The following GPC6 variants were observed in gnomAD, a reference collection of about 807,000 sequenced individuals.
GPC6 encodes glypican-6.
Under a neutral mutation model 55.2 loss-of-function variants are expected in GPC6, and 14 were observed. The observed-to-expected ratio is 0.25, with a 90% confidence interval of 0.17 to 0.40. The LOEUF (loss-of-function observed/expected upper bound fraction) is 0.40, where lower values mean the gene tolerates loss of function less well. GPC6 is among the 10% of genes least tolerant of loss of function. GPC6 has a pLI of 1.00. For synonymous variants in GPC6, 278 were observed against 259.6 expected (o/e 1.07, Z -0.68); for missense variants, 641 against 708.5 (o/e 0.90, Z 1.08).
chr13:93,690,911 G>T (rs1882234923), intron 2 of GPC6, among the ~76,000 whole-genome samples: 1 of 151,692 alleles, frequency 6.6e-6, no homozygotes, highest in African/African-American at 2.4e-5. Context: ...TTAATTAGTG[G>T]ATTTCTTCTT....
At chr13:93,640,808 CTTCCTTCTTTCCTTCCTTCCTTTG>C (rs1566463708) in intron 2 of GPC6, among the ~76,000 whole-genome samples, 2 of 78,226 alleles carry the variant, frequency 2.6e-5, no homozygotes, top group African/African-American at 3.9e-5. Context: ...TCCTTCCTTC[CTTCCTTCTTTCCTTCCTTCCTTTG>C]TTCCTTCCTT....
intron 6 of GPC6, among the ~76,000 whole-genome samples, chr13:94,368,169 A>G (rs557755561): frequency 6.8e-6 from 1 of 146,224 alleles, no homozygotes; most frequent in Non-Finnish European, 1.5e-5. Flanking sequence ...AAAAAAAAGT[A>G]CCACACCACC....
intron 6 of GPC6, among the ~76,000 whole-genome samples, chr13:94,366,816 G>A (rs1879308383): frequency 1.3e-5 from 2 of 152,138 alleles, no homozygotes; most frequent in Admixed American, 1.3e-4. Context: ...ACAGACCTTT[G>A]GTCAGCAGCG....
chr13:93,742,238 A>G (rs191471663), intron 2 of GPC6, among the ~76,000 whole-genome samples: 157 of 152,334 alleles, frequency 1.0e-3, no homozygotes, highest in African/African-American at 3.6e-3. Context: ...GATTCCATGT[A>G]AAGTGTGCCA....
chr13:93,300,097 A>G (rs1419603452), intron 1 of GPC6, among the ~76,000 whole-genome samples: 3 of 152,218 alleles, frequency 2.0e-5, no homozygotes, highest in Non-Finnish European at 4.4e-5. Flanking sequence ...AATACATGCC[A>G]AGGTCACCGT....
intron 1 of GPC6, among the ~76,000 whole-genome samples, chr13:93,519,635 A>AT (rs1439320542): frequency 1.3e-5 from 2 of 151,994 alleles, no homozygotes; most frequent in Non-Finnish European, 2.9e-5. Flanking sequence ...ATCACAGTCA[A>AT]TGTTTGAGTT....
chr13:93,889,418 T>C (rs1288028595), intron 3 of GPC6, among the ~76,000 whole-genome samples: 8 of 152,164 alleles, frequency 5.3e-5, no homozygotes, highest in Admixed American at 4.6e-4. Flanking sequence ...AACACGTTTA[T>C]AGTACTCAGC....
chr13:94,279,142 A>G (rs898968977), intron 4 of GPC6, among the ~76,000 whole-genome samples: 2 of 151,964 alleles, frequency 1.3e-5, no homozygotes, highest in African/African-American at 2.4e-5. Flanking sequence ...CAGGGATTCA[A>G]CTTCTTCCTG....
intron 1 of GPC6, among the ~76,000 whole-genome samples, chr13:93,539,739 T>A (rs983293320): frequency 6.6e-6 from 1 of 150,610 alleles, no homozygotes; most frequent in Non-Finnish European, 1.5e-5. Flanking sequence ...TTGTCCAGGC[T>A]AGAGTGCAAT....
chr13:93,231,213 C>G (rs1875990252), intron 1 of GPC6, among the ~76,000 whole-genome samples: 1 of 150,924 alleles, frequency 6.6e-6, no homozygotes, highest in Admixed American at 6.6e-5. Context: ...GGCACTCTGA[C>G]TCCAGGGTCT....
At chr13:94,205,996 C>G (rs2138982198) in intron 4 of GPC6, among the ~76,000 whole-genome samples, 1 of 152,166 alleles carries the variant, frequency 6.6e-6, no homozygotes, top group South Asian at 2.1e-4. Context: ...GCCAAACATG[C>G]TACAAAACCT....
At chr13:93,796,250 A>C (rs1310177230) in intron 2 of GPC6, among the ~76,000 whole-genome samples, 1 of 152,168 alleles carries the variant, frequency 6.6e-6, no homozygotes, top group African/African-American at 2.4e-5. Flanking sequence ...ATCTCATATT[A>C]GCAGTCTAGT....
chr13:93,357,218 G>A (rs74980762), intron 1 of GPC6, among the ~76,000 whole-genome samples: 1 of 152,086 alleles, frequency 6.6e-6, no homozygotes, highest in Non-Finnish European at 1.5e-5. Flanking sequence ...GTTGCTCTTA[G>A]GTGGTTTTTA....
intron 6 of GPC6, among the ~76,000 whole-genome samples, chr13:94,315,624 T>C (rs1876483056): frequency 6.6e-6 from 1 of 152,200 alleles, no homozygotes; most frequent in African/African-American, 2.4e-5. Flanking sequence ...AAAAAGGACA[T>C]GTTAGTGAAC....
upstream of GPC6, among the ~76,000 whole-genome samples, chr13:93,224,217 G>A (rs1363070115): frequency 6.0e-5 from 8 of 132,314 alleles, no homozygotes; most frequent in Admixed American, 2.5e-4. Flanking sequence ...TTTTTGAGAC[G>A]GAGTTTCTTT....
chr13:93,520,272 C>T (rs1033252230), intron 1 of GPC6, among the ~76,000 whole-genome samples: 1 of 151,918 alleles, frequency 6.6e-6, no homozygotes, highest in African/African-American at 2.4e-5. Context: ...CCAGATGGTC[C>T]ATCTTCCTTG....
At chr13:93,910,100 G>A (rs1876887300) in intron 3 of GPC6, among the ~76,000 whole-genome samples, 1 of 151,816 alleles carries the variant, frequency 6.6e-6, no homozygotes, top group Non-Finnish European at 1.5e-5. Flanking sequence ...TGTGTGATAT[G>A]GTTTGGCTGT....
intron 6 of GPC6, among the ~76,000 whole-genome samples, chr13:94,379,833 T>C (rs1204392521): frequency 6.6e-6 from 1 of 152,118 alleles, no homozygotes; most frequent in Admixed American, 6.6e-5. Flanking sequence ...ACAACCCTAT[T>C]TCTGCCAACA....
At chr13:93,344,620 G>T (rs529484860) in intron 1 of GPC6, among the ~76,000 whole-genome samples, 37 of 151,974 alleles carry the variant, frequency 2.4e-4, no homozygotes, top group African/African-American at 8.7e-4. Context: ...TTCTGTTCCC[G>T]TGTCCTATTT....
Sources: gnomAD v4.1 joint callset for allele counts (sites outside exome capture counted in the v4.1 genomes callset) on GRCh38, gnomAD v4.1.1 for gene constraint, MANE v1.5 for transcripts, NCBI Gene and HGNC (gene_info 2026-07-23, HGNC 2026-07-21) for gene names.